The following VWDE variants were observed in gnomAD, a reference collection of about 807,000 sequenced individuals.
VWDE encodes von Willebrand factor D and EGF domain-containing protein.
A neutral mutation model predicts 178.4 loss-of-function variants in VWDE; 207 were observed. The observed-to-expected ratio is 1.16, with a 90% confidence interval of 1.04 to 1.30. The LOEUF (loss-of-function observed/expected upper bound fraction) is 1.30. VWDE is among the 50% of genes most tolerant of loss of function. The pLI is 0.00. For missense variants in VWDE, 2,287 were observed against 1,901.3 expected, an observed-to-expected ratio of 1.20 and a Z score of -3.77; for synonymous variants, 738 against 651.4, an observed-to-expected ratio of 1.13 and a Z score of -2.02.
intron 3 of VWDE, 63 bp from the exon 4 acceptor site, chr7:12,383,664 T>A (rs1783963932): frequency 7.6e-7 from 1 of 1,310,902 alleles, no homozygotes; most frequent in African/African-American, 1.5e-5. Context: ...TCTACATATA[T>A]CCAAGATGAC....
At chr7:12,380,251 A>T (rs138742103) in intron 5 of VWDE, among the ~76,000 whole-genome samples, 9 of 151,498 alleles carry the variant, frequency 5.9e-5, no homozygotes, top group African/African-American at 2.2e-4. Flanking sequence ...ATAAAAAAGG[A>T]TTAATAATAA....
intron 9 of VWDE, 82 bp from the exon 10 acceptor site, chr7:12,373,329 G>A (rs1382274379): frequency 2.9e-6 from 4 of 1,392,268 alleles, no homozygotes; most frequent in Non-Finnish European, 2.9e-6. Flanking sequence ...ACAGCTTTAT[G>A]TATCACGATC....
chr7:12,370,604 C>A, intron 11 of VWDE, 52 bp downstream of exon 11: 1 of 1,535,738 alleles, frequency 6.5e-7, no homozygotes, highest in Non-Finnish European at 8.8e-7. Flanking sequence ...GAGCCACCAC[C>A]CGTTTTAAGT....
chr7:12,393,322 T>C (rs947604663), intron 2 of VWDE, among the ~76,000 whole-genome samples: 2 of 152,166 alleles, frequency 1.3e-5, no homozygotes, highest in Non-Finnish European at 2.9e-5. Flanking sequence ...TTCTGCACTG[T>C]TTGATGGAAA....
intron 3 of VWDE, among the ~76,000 whole-genome samples, chr7:12,384,248 GA>G (rs1783990384): frequency 6.6e-6 from 1 of 152,114 alleles, no homozygotes; most frequent in Admixed American, 6.6e-5. Context: ...AAGCCAATCT[GA>G]AAAGGCTACC....
chr7:12,399,392 C>T (rs992797955), intron 1 of VWDE, among the ~76,000 whole-genome samples: 18 of 152,076 alleles, frequency 1.2e-4, no homozygotes, highest in African/African-American at 3.9e-4. Flanking sequence ...CAATTGTAAA[C>T]ATAACTGAAC....
rs779939708 is a variant in VWDE at position 12,380,680 on chromosome 7, C to T, written c.595G>A (p.Val199Met). ...PPPAGRPEVL[V>M]ELIESRLFCR... ...AAAAGCCTGGACTCAATCAACTCCA[C>T]CAGAACCTCTGGCCTTCCTGCAGGT... is the stretch of plus-strand genomic sequence containing the variant. The change falls in exon 5 of 29, where the codon GTG becomes ATG. Residue 199 changes from valine to methionine, a missense_variant. Physicochemically the swap from Val to Met is conservative, Grantham distance 21. Coordinates refer to ENST00000275358, the MANE Select transcript of VWDE (RefSeq NM_001135924.3). 31 of 1,552,012 alleles carry T rather than the reference C, an allele frequency of 2.0e-5. No homozygotes were observed. The highest frequency in any genetic ancestry group is 2.7e-5 in the Non-Finnish European group (31 of 1,147,060).
chr7:12,351,553 T>A lies in VWDE; in HGVS notation c.3886+20A>T. 6 of 1,530,738 alleles carry A rather than the reference T, an allele frequency of 3.9e-6. No homozygotes were observed. The highest frequency in any genetic ancestry group is 5.3e-6 in the Non-Finnish European group (6 of 1,140,506). 94.8% of individuals were successfully genotyped at this position (1,530,738 alleles called of 1,614,324 possible). ...AGAGGAATTACTTGTCATTAGATTTTAACTATGACCATTACTTACTGAAGG... is the reference window on the plus strand; with the variant it reads ...AGAGGAATTACTTGTCATTAGATTTAAACTATGACCATTACTTACTGAAGG... On this transcript the variant is annotated intron_variant, in intron 19 of 28. Coordinates refer to ENST00000275358, the MANE Select transcript of VWDE (RefSeq NM_001135924.3).
At position 12,377,767 on chromosome 7, in the gene VWDE, G is replaced by A. The variant is rs1479510836; in HGVS notation, c.1024+9C>T. ...CTAATAATAAGATAAAATAAAGTTA[G>A]TATATTACCTTGACCAATAGTTTTC... On this transcript the variant is annotated intron_variant, in intron 7 of 28. Transcript: ENST00000275358. 1.4e-6 allele frequency: 2 copies of A among 1,433,322 alleles called. No homozygotes were observed. Among genetic ancestry groups the A allele is most frequent in the Non-Finnish European group, 1.9e-6 (2 of 1,075,320 alleles). The allele number at this position is 1,433,322 out of a possible 1,614,324, so 88.8% of individuals were successfully genotyped here. A position where few individuals can be genotyped will look rare whatever the true frequency, so the allele number is the denominator to read the frequency against.
intron 19 of VWDE, among the ~76,000 whole-genome samples, chr7:12,350,719 T>G (rs901548615): frequency 6.6e-6 from 1 of 152,118 alleles, no homozygotes; most frequent in African/African-American, 2.4e-5. Flanking sequence ...CTGAACACAT[T>G]ACTTAAGCCT....
At position 12,379,748 on chromosome 7, in the gene VWDE, G is replaced by A. The variant is rs911824629; in HGVS notation, c.790-182C>T. ...AAATTCCATCATTATAAAATATGACGTATTCAAACCTCAACATAAAGTATA... is the reference window on the plus strand; with the variant it reads ...AAATTCCATCATTATAAAATATGACATATTCAAACCTCAACATAAAGTATA... On this transcript the variant is annotated intron_variant, in intron 5 of 28. Coordinates refer to ENST00000275358, the MANE Select transcript of VWDE (RefSeq NM_001135924.3). Among the ~76,000 whole-genome samples, 17 of 151,954 alleles carry A rather than the reference G, an allele frequency of 1.1e-4. 1 individual carries two copies. Among genetic ancestry groups the A allele is most frequent in the African/African-American group, 3.6e-4 (15 of 41,374 alleles).
chr7:12,369,520 T>C (rs1200441963), intron 12 of VWDE, 25 bp downstream of exon 12: 1 of 1,488,040 alleles, frequency 6.7e-7, no homozygotes, highest in African/African-American at 1.4e-5. Context: ...ACATGCAATA[T>C]CAAACTTTGA....
At chr7:12,351,021 A>C (rs1299897243) in intron 19 of VWDE, among the ~76,000 whole-genome samples, 1 of 152,168 alleles carries the variant, frequency 6.6e-6, no homozygotes, top group Non-Finnish European at 1.5e-5. Flanking sequence ...GAACAATAAG[A>C]AAGTCAAGAC....
chr7:12,335,374 G>C (rs1360612746), intron 27 of VWDE, among the ~76,000 whole-genome samples: 1 of 151,948 alleles, frequency 6.6e-6, no homozygotes, highest in Non-Finnish European at 1.5e-5. Flanking sequence ...AACTAATACT[G>C]GATGGAGATA....
chr7:12,368,669 C>G (rs539954922), intron 12 of VWDE, among the ~76,000 whole-genome samples: 1 of 152,048 alleles, frequency 6.6e-6, no homozygotes. Context: ...GAGAGCCATT[C>G]GAGCTATATA....
intron 18 of VWDE, chr7:12,354,340 A>AATAGG: frequency 2.4e-6 from 1 of 414,006 alleles, no homozygotes; most frequent in East Asian, 7.5e-5. Flanking sequence ...CAGAAAATAG[A>AATAGG]AACTTTTACC....
chr7:12,344,865 TA>T (rs1477666566), intron 19 of VWDE, among the ~76,000 whole-genome samples: 2 of 152,060 alleles, frequency 1.3e-5, no homozygotes, highest in Admixed American at 1.3e-4. Flanking sequence ...TTCATGCAAA[TA>T]AGCAAATATG....
chr7:12,376,303 C>T (rs1478171816), intron 7 of VWDE, among the ~76,000 whole-genome samples: 1 of 144,402 alleles, frequency 6.9e-6, no homozygotes, highest in East Asian at 2.0e-4. Context: ...ACTCAGACAC[C>T]AACTGGTTCC....
Position 12,331,941 on chromosome 7 carries a change from C to A in VWDE, c.4759-744G>T, listed in dbSNP as rs148510510. ...CCAGTAATTCTTTTTCATTGAAATT[C>A]TAGCAATGCAATCAGTAAGCTCCAT... On this transcript the variant is annotated intron_variant, in intron 28 of 28. Transcript: ENST00000275358. 3.9e-4 allele frequency among the ~76,000 whole-genome samples: 59 copies of A among 152,124 alleles called. 2 individuals are homozygous for A. The East Asian group carries it at 6.2e-3, about 16-fold the overall frequency.
Sources: allele counts gnomAD v4.1 joint callset (sites outside exome capture counted in the v4.1 genomes callset), GRCh38; gene constraint gnomAD v4.1.1; transcripts MANE v1.5; gene names NCBI Gene and HGNC (gene_info 2026-07-23, HGNC 2026-07-21).